Variants in VCP observed in about 807,000 individuals in gnomAD.
The protein encoded by VCP is transitional endoplasmic reticulum ATPase.
A neutral mutation model predicts 85.7 loss-of-function variants in VCP; 6 were observed. That is an observed-to-expected ratio of 0.07 (90% CI 0.04 to 0.14). The LOEUF is 0.14. Ranked by LOEUF, VCP falls within the 10% of genes least tolerant of loss-of-function variation. VCP has a pLI of 1.00. For synonymous variants in VCP, 384 were observed against 367.1 expected, an observed-to-expected ratio of 1.05 and a Z score of -0.53; for missense variants, 353 against 1,043.4, an observed-to-expected ratio of 0.34 and a Z score of 9.12.
chr9:35,066,274 T>C (rs1440296314), intron 4 of VCP, among the ~76,000 whole-genome samples: 1 of 151,324 alleles, frequency 6.6e-6, no homozygotes, highest in Non-Finnish European at 1.5e-5. Flanking sequence ...CTTTTTTTTT[T>C]TTTTTGAGAC....
chr9:35,057,012 G>C lies in VCP; in HGVS notation c.*105C>G, dbSNP rs1828621073. 5 of 1,098,492 alleles carry C rather than the reference G, an allele frequency of 4.6e-6. No individual in the cohort carries two copies. Among genetic ancestry groups the C allele is most frequent in the Non-Finnish European group, 6.9e-6 (5 of 720,850 alleles). The allele number at this position is 1,098,492 out of a possible 1,614,324, so 68.0% of individuals were successfully genotyped here. A position where few individuals can be genotyped will look rare whatever the true frequency, so the allele number is the denominator to read the frequency against. ...GCTGAACTGTTCAGACTGGAGAATGGAGCAGGCTGTGGGCGCACCCCTGGT... is the reference window on the plus strand; with the variant it reads ...GCTGAACTGTTCAGACTGGAGAATGCAGCAGGCTGTGGGCGCACCCCTGGT... On this transcript the variant is annotated 3_prime_UTR_variant, in exon 17 of 17. Transcript: ENST00000358901.
At chr9:35,058,950 T>C in intron 15 of VCP, 114 bp downstream of exon 15, 1 of 1,438,860 alleles carries the variant, frequency 6.9e-7, no homozygotes, top group Non-Finnish European at 9.7e-7. Flanking sequence ...CTATTAAAAT[T>C]CTTCTCAGTT....
At chr9:35,061,244 C>T (rs2131031449) in intron 10 of VCP, 65 bp from the exon 11 acceptor site, 3 of 1,603,480 alleles carry the variant, frequency 1.9e-6, no homozygotes, top group Non-Finnish European at 2.6e-6. Context: ...GGCTCAGAGA[C>T]AATAGAATCC....
rs147623367 is a variant in VCP at position 35,060,424 on chromosome 9, G to A, written c.1584C>T (p.Ala528=). The change falls in exon 13 of 17, where the codon GCC becomes GCT. Residue 528 remains alanine, a synonymous_variant. Coordinates refer to ENST00000358901, the MANE Select transcript of VCP (RefSeq NM_007126.5). ...CCTGGCATTCATTAGCAATGGCTTT[G>A]GCCAACAAAGTTTTCCCACAGCCAG... ...GPPGCGKTLL[A]KAIANECQAN... The A allele has an allele frequency of 9.5e-4, 1,529 of 1,614,182 alleles. 1 individual carries two copies. The highest frequency in any genetic ancestry group is 1.2e-3 in the Non-Finnish European group (1,430 of 1,180,032).
Position 35,062,650 on chromosome 9 carries a change from C to G in VCP, c.812-300G>C. ...GCACACCAGATGGCACACCACTAAA[C>G]AGCATTCTCCAAGAGCCAGTGATCA... On this transcript the variant is annotated intron_variant, in intron 7 of 16. Coordinates refer to ENST00000358901, the MANE Select transcript of VCP (RefSeq NM_007126.5). 2.0e-5 allele frequency among the ~76,000 whole-genome samples: 3 copies of G among 152,272 alleles called. No individual in the cohort carries two copies. The South Asian group carries it at 6.2e-4, about 32-fold the overall frequency.
chr9:35,064,065 T>A, intron 6 of VCP, 89 bp downstream of exon 6: 1 of 1,597,328 alleles, frequency 6.3e-7, no homozygotes, highest in Non-Finnish European at 8.6e-7. Context: ...ATGAAAGCCA[T>A]GCATGAAAAC....
rs760711610 is a variant in VCP, at chr9:35,059,021, G to A, written c.2160+43C>T. On this transcript the variant is annotated intron_variant, in intron 15 of 16. Coordinates refer to ENST00000358901, the MANE Select transcript of VCP (RefSeq NM_007126.5). This position sits in a 1 kb window ranked among gnomAD's most constrained non-coding sequence, Gnocchi z 4.9. Reference sequence around the variant, plus strand: ...AGGGCATGGTGGTGGCTGCTGCCTGGCTCTCCATGATTGGCACATCTGGGG... The same window carrying A: ...AGGGCATGGTGGTGGCTGCTGCCTGACTCTCCATGATTGGCACATCTGGGG... The A allele has an allele frequency of 6.2e-7, 1 of 1,611,486 alleles. No individual in the cohort carries two copies. Among genetic ancestry groups the A allele is most frequent in the Non-Finnish European group, 8.5e-7 (1 of 1,179,708 alleles).
chr9:35,066,162 G>A (rs1384723250), intron 4 of VCP, among the ~76,000 whole-genome samples: 1 of 151,938 alleles, frequency 6.6e-6, no homozygotes, highest in African/African-American at 2.4e-5. Context: ...TAGGCTTGAT[G>A]GCTCATGCCT....
chr9:35,066,575 A>C, intron 4 of VCP, 100 bp downstream of exon 4: 1 of 1,422,436 alleles, frequency 7.0e-7, no homozygotes, highest in East Asian at 2.5e-5. Context: ...GAAAAGCATA[A>C]AAGATTTAAA....
At position 35,060,362 on chromosome 9, in the gene VCP, G is replaced by A; in HGVS notation, c.1646C>T (p.Thr549Ile). Residue 549 changes from threonine (T) to isoleucine (I), a missense_variant, in exon 13 of 17, where the codon ACC (threonine) becomes ATC (isoleucine). Physicochemically the swap from Thr to Ile is moderately conservative, Grantham distance 89. This residue lies in a region of VCP where 30 missense variants were observed against 192.3 expected (regional missense o/e 0.16). Coordinates refer to ENST00000358901, the MANE Select transcript of VCP (RefSeq NM_007126.5). ...GGCCTCAGACTCCCCAAACCACATG[G>A]TGAGCAGCTCAGGACCCTTGATGGA... Reference protein sequence around the residue: ...FISIKGPELLTMWFGESEANV... With the variant: ...FISIKGPELLIMWFGESEANV... The A allele has an allele frequency of 6.2e-7, 1 of 1,614,202 alleles. No homozygotes were observed. Among genetic ancestry groups the A allele is most frequent in the Non-Finnish European group, 8.5e-7 (1 of 1,180,048 alleles).
chr9:35,072,228 T>G (rs1828969955), intron 1 of VCP, 109 bp downstream of exon 1: 10 of 1,457,474 alleles, frequency 6.9e-6, no homozygotes. Context: ...CCCTCTTTCC[T>G]GGTCTCCACC....
At chr9:35,066,412 C>T (rs550543589) in intron 4 of VCP, among the ~76,000 whole-genome samples, 8 of 150,994 alleles carry the variant, frequency 5.3e-5, no homozygotes, top group South Asian at 2.1e-4. Flanking sequence ...CAGGTGCCCA[C>T]GATGGGGTTT....
In VCP at chr9:35,072,581, G is replaced by A. The variant is rs916028396; in HGVS notation, c.-228C>T. Reference sequence around the variant, plus strand: ...TGGCAGTGGCAGTGGCAGCGGCAGCGGCAGCGACGACTCAAACGACGGTCG... The same window carrying A: ...TGGCAGTGGCAGTGGCAGCGGCAGCAGCAGCGACGACTCAAACGACGGTCG... On this transcript the variant is annotated 5_prime_UTR_variant, in exon 1 of 17. Transcript: ENST00000358901. 6 of 507,324 alleles carry A rather than the reference G, an allele frequency of 1.2e-5. No homozygotes were observed. The highest frequency in any genetic ancestry group is 1.7e-5 in the Non-Finnish European group (5 of 299,838). 31.4% of individuals were successfully genotyped at this position (507,324 alleles called of 1,614,324 possible).
chr9:35,057,611 T>C, intron 15 of VCP, 81 bp from the exon 16 acceptor site: 1 of 1,569,482 alleles, frequency 6.4e-7, no homozygotes, highest in Non-Finnish European at 8.7e-7. Context: ...TACTGCAGTT[T>C]ATTGGTCTCC....
chr9:35,066,724 C>T lies in VCP; in HGVS notation c.396G>A (p.Glu132=). The T allele has an allele frequency of 6.2e-7, 1 of 1,614,090 alleles. No individual in the cohort carries two copies. Among genetic ancestry groups the T allele is most frequent in the Non-Finnish European group, 8.5e-7 (1 of 1,180,036 alleles). Residue 132 remains glutamate, a synonymous_variant, in exon 4 of 17, where the codon GAG becomes GAA. Coordinates refer to ENST00000358901, the MANE Select transcript of VCP (RefSeq NM_007126.5). ...TVEGITGNLF[E]VYLKPYFLEA... ...CCAGGAAGTACGGCTTAAGGTATACCTCGAAGAGATTACCAGTAATGCCTT... is the reference window on the plus strand; with the variant it reads ...CCAGGAAGTACGGCTTAAGGTATACTTCGAAGAGATTACCAGTAATGCCTT...
intron 3 of VCP, among the ~76,000 whole-genome samples, chr9:35,067,473 C>T (rs946540941): frequency 6.6e-6 from 1 of 152,174 alleles, no homozygotes; most frequent in Non-Finnish European, 1.5e-5. Context: ...GCTAGCAGCT[C>T]ACCTTCCATG....
chr9:35,071,966 G>T, intron 1 of VCP: 1 of 1,072,512 alleles, frequency 9.3e-7, no homozygotes, highest in Non-Finnish European at 1.1e-6. Flanking sequence ...GTGGTAGGCC[G>T]GACGGCAGAC....
chr9:35,059,454 C>A lies in VCP; in HGVS notation c.2004+39G>T. ...AGAGCACTCCGTACCAGCCTGAGGA[C>A]TCATGCAAGTCTCCCACAGCCCATG... On this transcript the variant is annotated intron_variant, in intron 14 of 16. Coordinates refer to ENST00000358901, the MANE Select transcript of VCP (RefSeq NM_007126.5). The surrounding 1 kb of genome is among the most constrained non-coding windows in gnomAD (Gnocchi z 4.9). The A allele has an allele frequency of 6.2e-7, 1 of 1,611,492 alleles. No homozygotes were observed. Among genetic ancestry groups the A allele is most frequent in the Non-Finnish European group, 8.5e-7 (1 of 1,179,104 alleles).
At position 35,059,998 on chromosome 9, in the gene VCP, G is replaced by A. The variant is rs1554668241; in HGVS notation, c.1696-197C>T. ...AAATAAAAAATTAGCCAGATGTGGT[G>A]ACGCATGCCTATAGTCCCAGCTACT... On this transcript the variant is annotated intron_variant, in intron 13 of 16. Coordinates refer to ENST00000358901, the MANE Select transcript of VCP (RefSeq NM_007126.5). The surrounding 1 kb of genome is among the most constrained non-coding windows in gnomAD (Gnocchi z 4.9). The A allele has an allele frequency of 7.1e-6, 5 of 708,290 alleles. No individual in the cohort carries two copies. In the Middle Eastern group the frequency reaches 1.2e-3, roughly 170 times the overall value. The allele number at this position is 708,290 out of a possible 1,614,324, so 43.9% of individuals were successfully genotyped here.
Sources: gnomAD v4.1 joint callset for allele counts (sites outside exome capture counted in the v4.1 genomes callset) on GRCh38, gnomAD v4.1.1 for gene constraint, gnomAD v4.1.1 regional missense constraint, Gnocchi (gnomAD v3.1) non-coding constraint, MANE v1.5 for transcripts, NCBI Gene and HGNC (gene_info 2026-07-23, HGNC 2026-07-21) for gene names.